INSR: variants seen among roughly 807,000 people sequenced by gnomAD.
INSR encodes insulin receptor.
INSR carries 67 observed loss-of-function variants against 142.6 expected under a neutral mutation model. That is an observed-to-expected ratio of 0.47 (90% CI 0.39 to 0.58). The LOEUF is 0.58. Ranked by LOEUF, INSR falls within the 20% of genes least tolerant of loss-of-function variation. The pLI, the probability that INSR is intolerant of heterozygous loss-of-function variation, is 0.00. For missense variants in INSR, 1,248 were observed against 1,833.2 expected, an observed-to-expected ratio of 0.68 and a Z score of 5.83; for synonymous variants, 756 against 743.1, an observed-to-expected ratio of 1.02 and a Z score of -0.28.
At chr19:7,172,901 C>A in intron 4 of INSR, among the ~76,000 whole-genome samples, 1 of 151,020 alleles carries the variant, frequency 6.6e-6, no homozygotes, top group Admixed American at 6.6e-5. Flanking sequence ...AAATAGCAAC[C>A]CCTGTTAGTC....
intron 4 of INSR, 37 bp downstream of exon 4, chr19:7,174,546 C>A: frequency 1.2e-6 from 2 of 1,612,340 alleles, no homozygotes; most frequent in Non-Finnish European, 1.7e-6. Context: ...ACATGGAGCC[C>A]AACAGGCACC....
chr19:7,180,534 A>G (rs941216372), intron 3 of INSR, among the ~76,000 whole-genome samples: 11 of 151,406 alleles, frequency 7.3e-5, no homozygotes, highest in African/African-American at 2.4e-4. Context: ...TGTCTCAAAA[A>G]AAAAAAAAAA....
intron 2 of INSR, among the ~76,000 whole-genome samples, chr19:7,246,004 T>C (rs886257767): frequency 3.9e-5 from 6 of 152,216 alleles, no homozygotes; most frequent in African/African-American, 7.2e-5. Flanking sequence ...AAAAAAATCA[T>C]TTAATGTCCT....
chr19:7,147,839 C>G (rs1368848100), intron 11 of INSR, among the ~76,000 whole-genome samples: 1 of 152,080 alleles, frequency 6.6e-6, no homozygotes, highest in East Asian at 1.9e-4. Context: ...ATGGGCTCAT[C>G]AAACAGGCCA....
intron 2 of INSR, among the ~76,000 whole-genome samples, chr19:7,190,003 T>C (rs1375343165): frequency 1.3e-5 from 2 of 151,926 alleles, no homozygotes; most frequent in African/African-American, 4.8e-5. Context: ...TCAAGGAAAT[T>C]AGAGTTAACT....
rs1967791727 is a variant in INSR at position 7,267,963 on chromosome 19, CA to C, written c.101-68del. On this transcript the variant is annotated intron_variant, in intron 1 of 21. Coordinates refer to ENST00000302850, the MANE Select transcript of INSR (RefSeq NM_000208.4). The surrounding 1 kb of genome is among the most constrained non-coding windows in gnomAD (Gnocchi z 6.3). The stretch of plus-strand genomic sequence containing the variant: ...CGCACGGTGGATGCATCAGAAGGAT[CA>C]GGGGCAGAGCCGGCTTCATGGACAG... 5 of 1,369,878 alleles carry C rather than the reference CA, an allele frequency of 3.6e-6. No individual in the cohort carries two copies. Among genetic ancestry groups the C allele is most frequent in the East Asian group, 2.4e-5 (1 of 41,970 alleles). 84.9% of individuals were successfully genotyped at this position (1,369,878 alleles called of 1,614,324 possible).
chr19:7,237,225 A>C (rs1028573379), intron 2 of INSR, among the ~76,000 whole-genome samples: 1 of 151,988 alleles, frequency 6.6e-6, no homozygotes, highest in African/African-American at 2.4e-5. Flanking sequence ...TATGGAAATA[A>C]ACAAAAAAAC....
intron 13 of INSR, among the ~76,000 whole-genome samples, chr19:7,135,976 A>AAAAAAAAAG (rs60435269): frequency 0.043 from 6,354 of 146,422 alleles, 523 homozygotes; most frequent in African/African-American, 0.14. Context: ...TCAAAAAAAA[A>AAAAAAAAAG]AAAGAAAGAA....
At chr19:7,186,466 A>AT (rs143345978) in intron 2 of INSR, among the ~76,000 whole-genome samples, 13 of 150,114 alleles carry the variant, frequency 8.7e-5, no homozygotes, top group South Asian at 4.2e-4. Context: ...AGGAAATCCA[A>AT]TTTTTTTTTT....
rs1040620459 is a variant in INSR, at chr19:7,292,900, G to A, written c.100+892C>T. The stretch of plus-strand genomic sequence containing the variant: ...AGCGCAGGGCTGAGGGGAGAGGAGG[G>A]GTCAAGGAGACAGCAGACAAGGGAC... On this transcript the variant is annotated intron_variant, in intron 1 of 21. Coordinates refer to ENST00000302850, the MANE Select transcript of INSR (RefSeq NM_000208.4). Among the ~76,000 whole-genome samples the A allele has an allele frequency of 4.6e-5, 7 of 152,098 alleles. No homozygotes were observed. The South Asian group carries it at 1.2e-3, about 27-fold the overall frequency.
intron 2 of INSR, among the ~76,000 whole-genome samples, chr19:7,188,362 A>G (rs1173707807): frequency 6.6e-6 from 1 of 151,446 alleles, no homozygotes; most frequent in East Asian, 1.9e-4. Context: ...CCTGGCCAAC[A>G]TGGTAAAACC....
Position 7,125,138 on chromosome 19 carries a change from A to C in INSR, c.3258+145T>G. On this transcript the variant is annotated intron_variant, in intron 17 of 21. Coordinates refer to ENST00000302850, the MANE Select transcript of INSR (RefSeq NM_000208.4). The surrounding 1 kb of genome is among the most constrained non-coding windows in gnomAD (Gnocchi z 4.9). ...TTTGAGAAGGGAATGATCCCTCCTC[A>C]CACCTCTAGGATGGGAAGCTTAGTG... 1.0e-6 allele frequency: 1 copy of C among 964,400 alleles called. No homozygotes were observed. The highest frequency in any genetic ancestry group is 2.6e-5 in the East Asian group (1 of 38,628). 59.7% of individuals were successfully genotyped at this position (964,400 alleles called of 1,614,324 possible). A position where few individuals can be genotyped will look rare whatever the true frequency, so the allele number is the denominator to read the frequency against.
intron 2 of INSR, among the ~76,000 whole-genome samples, chr19:7,202,307 A>G (rs1470280102): frequency 6.6e-6 from 1 of 152,032 alleles, no homozygotes; most frequent in Non-Finnish European, 1.5e-5. Flanking sequence ...TCCAATATTC[A>G]TCATCTCATT....
At chr19:7,162,326 CA>C (rs34182944) in intron 9 of INSR, among the ~76,000 whole-genome samples, 16,661 of 63,258 alleles carry the variant, frequency 0.26, 965 homozygotes, top group South Asian at 0.27. Flanking sequence ...GACCCTGTCT[CA>C]AAAAAAAAAA....
intron 2 of INSR, among the ~76,000 whole-genome samples, chr19:7,239,924 G>T (rs1320166593): frequency 6.6e-6 from 1 of 152,162 alleles, no homozygotes; most frequent in South Asian, 2.1e-4. Context: ...GAGGAAGATC[G>T]CAGAGTTTTT....
chr19:7,167,648 A>T lies in INSR; in HGVS notation c.1610+320T>A, dbSNP rs556531693. ...ACATTTGATAACATCCACTTAGTAGACTGAGCTCCTGACTACTAAGGATGT... is the reference window on the plus strand; with the variant it reads ...ACATTTGATAACATCCACTTAGTAGTCTGAGCTCCTGACTACTAAGGATGT... On this transcript the variant is annotated intron_variant, in intron 7 of 21. Coordinates refer to ENST00000302850, the MANE Select transcript of INSR (RefSeq NM_000208.4). Among the ~76,000 whole-genome samples the T allele has an allele frequency of 2.3e-3, 345 of 152,224 alleles. 1 individual carries two copies. The highest frequency in any genetic ancestry group is 4.2e-3 in the Admixed American group (64 of 15,242).
chr19:7,260,339 C>A (rs146075170), intron 2 of INSR, among the ~76,000 whole-genome samples: 24 of 152,182 alleles, frequency 1.6e-4, no homozygotes, highest in Non-Finnish European at 4.4e-5. Context: ...CCCCTCTGGC[C>A]GGCAGTGAGC....
rs765580196 is a variant in INSR at position 7,267,334 on chromosome 19, C to G, written c.652+11G>C. 237 of 1,613,598 alleles carry G rather than the reference C, an allele frequency of 1.5e-4. No individual in the cohort carries two copies. The highest frequency in any genetic ancestry group is 1.9e-4 in the Non-Finnish European group (229 of 1,179,766). On this transcript the variant is annotated intron_variant, in intron 2 of 21. Transcript: ENST00000302850. This position sits in a 1 kb window ranked among gnomAD's most constrained non-coding sequence, Gnocchi z 6.3. ...CGAGACACTGCTTAGAACCCTGTAT[C>G]CCCGGCGTACCTTTCTGGCAGTGAC...
intron 9 of INSR, among the ~76,000 whole-genome samples, chr19:7,155,302 A>C (rs1322051844): frequency 6.6e-6 from 1 of 152,126 alleles, no homozygotes; most frequent in Non-Finnish European, 1.5e-5. Flanking sequence ...TGGGAAGCCG[A>C]GGCAGGAGGA....
Sources: allele counts gnomAD v4.1 joint callset (sites outside exome capture counted in the v4.1 genomes callset), GRCh38; gene constraint gnomAD v4.1.1; non-coding constraint Gnocchi (gnomAD v3.1); transcripts MANE v1.5; gene names NCBI Gene and HGNC (gene_info 2026-07-23, HGNC 2026-07-21).